Variants in MDM2 observed in about 807,000 individuals in gnomAD.
MDM2 encodes the protein MDM2 proto-oncogene, also known as E3 ubiquitin-protein ligase Mdm2.
MDM2 carries 11 observed loss-of-function variants against 64.3 expected under a neutral mutation model. The ratio of observed to expected loss-of-function variants is 0.17; its 90% CI spans 0.11 to 0.28. The LOEUF is 0.28. MDM2 is among the 10% of genes least tolerant of loss of function. MDM2 has a pLI of 1.00. For synonymous variants in MDM2, 194 were observed against 192.9 expected (o/e 1.01, Z -0.05); for missense variants, 388 against 577.1 (o/e 0.67, Z 3.36).
chr12:68,847,647 G>A (rs967095274), downstream of MDM2: 3 of 151,410 alleles, frequency 2.0e-5, no homozygotes, highest in African/African-American at 7.3e-5. Flanking sequence ...TAGAGACGGG[G>A]TTTCACCGTG....
In MDM2 at chr12:68,841,494, C is replaced by A; in HGVS notation, c.*1645C>A. 4.8e-6 allele frequency: 1 copy of A among 209,168 alleles called. No individual in the cohort carries two copies. The allele number at this position is 209,168 out of a possible 1,614,324, so 13.0% of individuals were successfully genotyped here. On this transcript the variant is annotated 3_prime_UTR_variant, in exon 11 of 11. Transcript: ENST00000258149. ...TCTGTGAAAATAGCCACCATTTACCCGTAAGACAAAACTTGTTAAAGCCTC... is the reference window on the plus strand; with the variant it reads ...TCTGTGAAAATAGCCACCATTTACCAGTAAGACAAAACTTGTTAAAGCCTC...
At chr12:68,813,402 C>T (rs1203396495) in intron 2 of MDM2, 152 bp from the exon 3 acceptor site, 2 of 586,702 alleles carry the variant, frequency 3.4e-6, no homozygotes, top group Non-Finnish European at 6.1e-6. Flanking sequence ...ACAACTGATA[C>T]TTGATGATTC....
At chr12:68,819,944 T>A (rs1881708998) in intron 4 of MDM2, among the ~76,000 whole-genome samples, 1 of 152,256 alleles carries the variant, frequency 6.6e-6, no homozygotes, top group Admixed American at 6.5e-5. Flanking sequence ...CAATGCTTTT[T>A]TTTGGCAGTT....
At chr12:68,817,241 A>G (rs1012214997) in intron 4 of MDM2, among the ~76,000 whole-genome samples, 14 of 152,242 alleles carry the variant, frequency 9.2e-5, no homozygotes, top group Admixed American at 4.6e-4. Context: ...TGTGGAGGTT[A>G]AAGCTCTTGA....
Position 68,809,292 on chromosome 12 carries a change from G to A in MDM2, c.99G>A (p.Leu33=). 2.5e-6 allele frequency: 4 copies of A among 1,613,480 alleles called. No individual in the cohort carries two copies. Among genetic ancestry groups the A allele is most frequent in the Non-Finnish European group, 3.4e-6 (4 of 1,179,508 alleles). The change falls in exon 2 of 11, where the codon CTG becomes CTA. Residue 33 remains leucine (L), a splice_region_variant and synonymous_variant. Coordinates refer to ENST00000258149, the MANE Select transcript of MDM2 (RefSeq NM_002392.6). ...SQIPASEQET[L]VRPKPLLLKL... is the part of the protein sequence containing the mutation. ...TTCCAGCTTCGGAACAAGAGACCCT[G>A]GTTAGTATTTTTGTCTCGTGTAACT...
chr12:68,844,544 G>A lies in MDM2; in HGVS notation c.*4695G>A, dbSNP rs759368720. Reference sequence around the variant, plus strand: ...GCTAGCCACCGTACCACTTGTCAGCGTGAAAAGTAAGATTGTAATTGCCTG... The same window carrying A: ...GCTAGCCACCGTACCACTTGTCAGCATGAAAAGTAAGATTGTAATTGCCTG... On this transcript the variant is annotated 3_prime_UTR_variant, in exon 11 of 11. Coordinates refer to ENST00000258149, the MANE Select transcript of MDM2 (RefSeq NM_002392.6). 15 of 227,258 alleles carry A rather than the reference G, an allele frequency of 6.6e-5. No individual in the cohort carries two copies. The highest frequency in any genetic ancestry group is 9.6e-5 in the Non-Finnish European group (11 of 114,406). The allele number at this position is 227,258 out of a possible 1,614,324, so 14.1% of individuals were successfully genotyped here.
rs1311816716 is a variant in MDM2, at chr12:68,842,255, A to G, written c.*2406A>G. 2.0e-6 allele frequency: 1 copy of G among 497,388 alleles called. No homozygotes were observed. Among genetic ancestry groups the G allele is most frequent in the Non-Finnish European group, 4.0e-6 (1 of 251,712 alleles). The allele number at this position is 497,388 out of a possible 1,614,324, so 30.8% of individuals were successfully genotyped here. A position where few individuals can be genotyped will look rare whatever the true frequency, so the allele number is the denominator to read the frequency against. ...ATAATGAACAAATTCAAGAAAAAGG[A>G]CTACGGAAAGTTCAGGACATCAAAG... is the stretch of plus-strand genomic sequence containing the variant. On this transcript the variant is annotated 3_prime_UTR_variant, in exon 11 of 11. Coordinates refer to ENST00000258149, the MANE Select transcript of MDM2 (RefSeq NM_002392.6).
chr12:68,826,737 T>C (rs960035578), intron 7 of MDM2, among the ~76,000 whole-genome samples: 33 of 152,004 alleles, frequency 2.2e-4, no homozygotes, highest in African/African-American at 7.7e-4. Context: ...ATCCTAAGGA[T>C]GTAATAAAAA....
intron 10 of MDM2, among the ~76,000 whole-genome samples, 155 bp from the exon 11 acceptor site, chr12:68,839,119 T>C (rs1224745680): frequency 6.6e-6 from 1 of 152,154 alleles, no homozygotes; most frequent in East Asian, 1.9e-4. Flanking sequence ...ATAGTCCTCA[T>C]GCTGTTTACA....
downstream of MDM2, chr12:68,846,834 CA>C (rs1884327916): frequency 6.6e-6 from 1 of 151,976 alleles, no homozygotes; most frequent in Non-Finnish European, 1.5e-5. Context: ...ACCTTAGAGA[CA>C]ATAAATCTAT....
intron 3 of MDM2, among the ~76,000 whole-genome samples, chr12:68,816,236 T>C (rs1881358879): frequency 6.6e-6 from 1 of 152,234 alleles, no homozygotes; most frequent in South Asian, 2.1e-4. Flanking sequence ...TATGTTAGTA[T>C]CTAAGTATCT....
At chr12:68,833,293 ATATT>A (rs1458778702) in intron 8 of MDM2, among the ~76,000 whole-genome samples, 2 of 120,950 alleles carry the variant, frequency 1.7e-5, no homozygotes, top group South Asian at 2.3e-4. Flanking sequence ...ATAAATATAT[ATATT>A]TATATAAATA....
chr12:68,814,993 T>G (rs2136117051), intron 3 of MDM2, among the ~76,000 whole-genome samples: 1 of 152,366 alleles, frequency 6.6e-6, no homozygotes, highest in South Asian at 2.1e-4. Flanking sequence ...TTTGGTAGAA[T>G]AAATCTAAGT....
At chr12:68,838,373 A>T (rs1293422739) in intron 10 of MDM2, among the ~76,000 whole-genome samples, 2 of 152,214 alleles carry the variant, frequency 1.3e-5, no homozygotes, top group Non-Finnish European at 2.9e-5. Context: ...GGTTTGTGGG[A>T]TAAAACGTTG....
At chr12:68,809,609 C>G (rs779149930) in intron 2 of MDM2, among the ~76,000 whole-genome samples, 74 of 134,976 alleles carry the variant, frequency 5.5e-4, no homozygotes, top group African/African-American at 1.7e-3. Context: ...AAAATGGTTT[C>G]TAAAAGTCAA....
Position 68,808,410 on chromosome 12 carries a change from T to C in MDM2, c.-68T>C. ...TCCCCGAGGCCCAGGGCGTCGTGCT[T>C]CCGCGCGCCCCGTGAAGGAAACTGG... On this transcript the variant is annotated 5_prime_UTR_variant, in exon 1 of 11. Transcript: ENST00000258149. The C allele has an allele frequency of 6.2e-7, 1 of 1,611,074 alleles. No individual in the cohort carries two copies. Among genetic ancestry groups the C allele is most frequent in the Non-Finnish European group, 8.5e-7 (1 of 1,177,922 alleles).
chr12:68,819,773 C>G (rs1881696936), intron 4 of MDM2, among the ~76,000 whole-genome samples: 1 of 152,190 alleles, frequency 6.6e-6, no homozygotes, highest in Non-Finnish European at 1.5e-5. Context: ...TTACAGGTGT[C>G]TGTGAGCCAC....
At chr12:68,813,405 G>C in intron 2 of MDM2, 149 bp from the exon 3 acceptor site, 1 of 592,062 alleles carries the variant, frequency 1.7e-6, no homozygotes, top group Non-Finnish European at 3.0e-6. Flanking sequence ...ACTGATACTT[G>C]ATGATTCCAT....
chr12:68,843,581 A>G lies in MDM2; in HGVS notation c.*3732A>G, dbSNP rs1883994148. The G allele has an allele frequency of 4.4e-6, 1 of 226,878 alleles. No individual in the cohort carries two copies. The highest frequency in any genetic ancestry group is 1.8e-4 in the South Asian group (1 of 5,464). 14.1% of individuals were successfully genotyped at this position (226,878 alleles called of 1,614,324 possible). A position where few individuals can be genotyped will look rare whatever the true frequency, so the allele number is the denominator to read the frequency against. On this transcript the variant is annotated 3_prime_UTR_variant, in exon 11 of 11. Transcript: ENST00000258149. ...CATCTTGATTTAGTGTTTTTCTCCC[A>G]TATGTGAATTGTATATACTTAGGTG... is the stretch of plus-strand genomic sequence containing the variant.
Sources: allele counts gnomAD v4.1 joint callset (sites outside exome capture counted in the v4.1 genomes callset), GRCh38; gene constraint gnomAD v4.1.1; transcripts MANE v1.5; gene names NCBI Gene and HGNC (gene_info 2026-07-23, HGNC 2026-07-21).